ECHDC3: variants seen among roughly 807,000 people sequenced by gnomAD.
ECHDC3 encodes the protein enoyl-CoA hydratase domain-containing protein 3, mitochondrial.
Under a neutral mutation model 17.9 loss-of-function variants are expected in ECHDC3, and 20 were observed. The ratio of observed to expected loss-of-function variants is 1.12; its 90% CI spans 0.79 to 1.63. The LOEUF is 1.63. Among genes scored for constraint, ECHDC3 ranks in the 40% most tolerant of loss-of-function variants. The pLI, the probability that ECHDC3 is intolerant of heterozygous loss-of-function variation, is 0.00. For missense variants in ECHDC3, 407 were observed against 357.7 expected (o/e 1.14, Z -1.11); for synonymous variants, 177 against 149.7 (o/e 1.18, Z -1.33).
rs1251576617 is a variant in ECHDC3 at position 11,763,556 on chromosome 10, G to C, written c.*12G>C. 4.0e-6 allele frequency: 6 copies of C among 1,494,774 alleles called. No individual in the cohort carries two copies. The highest frequency in any genetic ancestry group is 5.4e-6 in the Non-Finnish European group (6 of 1,120,630). The allele number at this position is 1,494,774 out of a possible 1,614,324, so 92.6% of individuals were successfully genotyped here. On this transcript the variant is annotated 3_prime_UTR_variant, in exon 5 of 5. Coordinates refer to ENST00000379215, the MANE Select transcript of ECHDC3 (RefSeq NM_024693.5). The surrounding 1 kb of genome is among the most constrained non-coding windows in gnomAD (Gnocchi z 4.9). ...ACGAGCCAGTGTGAGTGGAGGCAGA[G>C]GAGTGAGGCCCACGGGCAGCGCCCA...
intron 4 of ECHDC3, chr10:11,755,866 C>T (rs2013272): frequency 0.97 from 431,415 of 444,106 alleles, 210,737 homozygotes; most frequent in East Asian, 1. Context: ...TCATGCGTAC[C>T]CTCAGTACCA....
rs1264955405 is a variant in ECHDC3 at position 11,748,058 on chromosome 10, T to C, written c.292+588T>C. 2.0e-5 allele frequency among the ~76,000 whole-genome samples: 3 copies of C among 152,178 alleles called. No homozygotes were observed. In the East Asian group the frequency reaches 5.8e-4, roughly 29 times the overall value. On this transcript the variant is annotated intron_variant, in intron 2 of 4. Transcript: ENST00000379215. ...TGTGATGCTATGTTTGTTTGGCAAA[T>C]CAAGCATCAGTGTTTCTGGAGGCAG...
At chr10:11,758,482 G>C (rs1381975770) in intron 4 of ECHDC3, among the ~76,000 whole-genome samples, 2 of 152,210 alleles carry the variant, frequency 1.3e-5, no homozygotes, top group Non-Finnish European at 1.5e-5. Context: ...TTCCAAGCTG[G>C]AAAGATGGTT....
chr10:11,742,743 T>C lies in ECHDC3; in HGVS notation c.167T>C (p.Ile56Thr). The C allele has an allele frequency of 8.1e-7, 1 of 1,232,602 alleles. No homozygotes were observed. The highest frequency in any genetic ancestry group is 1.0e-6 in the Non-Finnish European group (1 of 988,138). 76.4% of individuals were successfully genotyped at this position (1,232,602 alleles called of 1,614,324 possible). Residue 56 changes from isoleucine (I) to threonine (T), a missense_variant, in exon 1 of 5, where the codon ATA becomes ACA. Transcript: ENST00000379215. ...ACCAGCGCGCGGCAGCTGGACGGCA[T>C]AAGGTCAGCCCCGGGCCGCGCGGGC... ...RPTSARQLDG[I>T]RNIVLSNPKK...
intron 3 of ECHDC3, among the ~76,000 whole-genome samples, chr10:11,754,788 A>G (rs960690139): frequency 6.6e-6 from 1 of 152,122 alleles, no homozygotes; most frequent in African/African-American, 2.4e-5. Flanking sequence ...GTCTGTCACT[A>G]CTCAAGAGCT....
intron 4 of ECHDC3, among the ~76,000 whole-genome samples, chr10:11,760,980 C>T (rs1832943673): frequency 6.6e-6 from 1 of 152,242 alleles, no homozygotes; most frequent in South Asian, 2.1e-4. Flanking sequence ...AACGTAAAAT[C>T]GGTACAGTTC....
rs143082219 is a variant in ECHDC3, at chr10:11,751,843, C to T, written c.390+2251C>T. Among the ~76,000 whole-genome samples, 810 of 152,306 alleles carry T rather than the reference C, an allele frequency of 5.3e-3. 1 individual carries two copies. Among genetic ancestry groups the T allele is most frequent in the Non-Finnish European group, 9.2e-3 (629 of 68,024 alleles). ...AGGAGAAGATTCTGCACTTTGCTCT[C>T]ATACCCCGTCAATCAAATGACAATG... is the stretch of plus-strand genomic sequence containing the variant. On this transcript the variant is annotated intron_variant, in intron 3 of 4. Coordinates refer to ENST00000379215, the MANE Select transcript of ECHDC3 (RefSeq NM_024693.5).
At chr10:11,759,219 T>C (rs1832917615) in intron 4 of ECHDC3, among the ~76,000 whole-genome samples, 1 of 152,020 alleles carries the variant, frequency 6.6e-6, no homozygotes, top group Non-Finnish European at 1.5e-5. Context: ...CTGAGTATGG[T>C]GGCGCATGCC....
Position 11,749,711 on chromosome 10 carries a change from C to G in ECHDC3, c.390+119C>G, listed in dbSNP as rs187672109. The G allele has an allele frequency of 9.3e-5, 70 of 749,190 alleles. No individual in the cohort carries two copies. In the Admixed American group the frequency reaches 1.9e-3, roughly 20 times the overall value. The allele number at this position is 749,190 out of a possible 1,614,324, so 46.4% of individuals were successfully genotyped here. On this transcript the variant is annotated intron_variant, in intron 3 of 4. Transcript: ENST00000379215. ...CATGAGACCCAAACACCCAGAGCAA[C>G]TGGAAACTGTTTGGTCATCAGATCC...
Position 11,749,686 on chromosome 10 carries a change from C to T in ECHDC3, c.390+94C>T, listed in dbSNP as rs1832802283. On this transcript the variant is annotated intron_variant, in intron 3 of 4. Coordinates refer to ENST00000379215, the MANE Select transcript of ECHDC3 (RefSeq NM_024693.5). The stretch of plus-strand genomic sequence containing the variant: ...TCGACCTTACAGATAAGATTTTATC[C>T]ATGAGACCCAAACACCCAGAGCAAC... 4.2e-6 allele frequency: 5 copies of T among 1,180,606 alleles called. No individual in the cohort carries two copies. In the African/African-American group the frequency reaches 4.6e-5, roughly 11 times the overall value. 73.1% of individuals were successfully genotyped at this position (1,180,606 alleles called of 1,614,324 possible). A position where few individuals can be genotyped will look rare whatever the true frequency, so the allele number is the denominator to read the frequency against.
rs1216243485 is a variant in ECHDC3, at chr10:11,763,962, C to T, written c.*418C>T. ...GGAGAGGCGACACATTTCAAATCTC[C>T]ACGAGATATTCTCCACACAGAAAAT... On this transcript the variant is annotated 3_prime_UTR_variant, in exon 5 of 5. Coordinates refer to ENST00000379215, the MANE Select transcript of ECHDC3 (RefSeq NM_024693.5). The surrounding 1 kb of genome is among the most constrained non-coding windows in gnomAD (Gnocchi z 4.9). 3 of 993,418 alleles carry T rather than the reference C, an allele frequency of 3.0e-6. No individual in the cohort carries two copies. The highest frequency in any genetic ancestry group is 3.6e-6 in the Non-Finnish European group (3 of 835,550). The allele number at this position is 993,418 out of a possible 1,614,324, so 61.5% of individuals were successfully genotyped here.
intron 2 of ECHDC3, 44 bp from the exon 3 acceptor site, chr10:11,749,451 T>G: frequency 1.2e-6 from 2 of 1,604,864 alleles, no homozygotes; most frequent in Non-Finnish European, 1.7e-6. Flanking sequence ...ACTCTGGGTG[T>G]TTACATCTTT....
intron 4 of ECHDC3, among the ~76,000 whole-genome samples, chr10:11,759,314 A>G (rs1832918405): frequency 6.7e-6 from 1 of 148,574 alleles, no homozygotes; most frequent in Admixed American, 6.8e-5. Context: ...AGGTCGTGCC[A>G]TTGCTCTCCA....
chr10:11,743,542 T>C (rs1263563431), intron 1 of ECHDC3, among the ~76,000 whole-genome samples: 1 of 152,206 alleles, frequency 6.6e-6, no homozygotes, highest in African/African-American at 2.4e-5. Context: ...TTTCTGCTGC[T>C]CTGCAAGGGG....
chr10:11,746,340 A>G (rs893851449), intron 1 of ECHDC3, among the ~76,000 whole-genome samples: 1 of 146,820 alleles, frequency 6.8e-6, no homozygotes, highest in African/African-American at 2.5e-5. Context: ...AAAAAAAAAA[A>G]AAAAAAAAAA....
At chr10:11,752,473 C>T (rs1477594228) in intron 3 of ECHDC3, among the ~76,000 whole-genome samples, 1 of 151,724 alleles carries the variant, frequency 6.6e-6, no homozygotes, top group Non-Finnish European at 1.5e-5. Flanking sequence ...TTTTGAAAGT[C>T]TAGAACAGTA....
At position 11,763,690 on chromosome 10, in the gene ECHDC3, A is replaced by C; in HGVS notation, c.*146A>C. 7.0e-7 allele frequency: 1 copy of C among 1,425,470 alleles called. No homozygotes were observed. The highest frequency in any genetic ancestry group is 9.1e-7 in the Non-Finnish European group (1 of 1,093,882). The allele number at this position is 1,425,470 out of a possible 1,614,324, so 88.3% of individuals were successfully genotyped here. A position where few individuals can be genotyped will look rare whatever the true frequency, so the allele number is the denominator to read the frequency against. On this transcript the variant is annotated 3_prime_UTR_variant, in exon 5 of 5. Transcript: ENST00000379215. The surrounding 1 kb of genome is among the most constrained non-coding windows in gnomAD (Gnocchi z 4.9). ...TGTCATAGCATTTGGCCTACATTAA[A>C]AGCCACAATTTCATGGGGAAAGGAC...
intron 3 of ECHDC3, among the ~76,000 whole-genome samples, chr10:11,754,764 G>A (rs1036087327): frequency 5.3e-5 from 8 of 152,192 alleles, no homozygotes; most frequent in African/African-American, 1.9e-4. Context: ...CATTTGCCAG[G>A]AAGGCAGGCG....
intron 4 of ECHDC3, among the ~76,000 whole-genome samples, chr10:11,762,779 C>A (rs1832969308): frequency 6.6e-6 from 1 of 152,158 alleles, no homozygotes; most frequent in African/African-American, 2.4e-5. Flanking sequence ...TCTGCTCTTT[C>A]CAGTCAGGCC....
Sources: gnomAD v4.1 joint callset for allele counts (sites outside exome capture counted in the v4.1 genomes callset) on GRCh38, gnomAD v4.1.1 for gene constraint, Gnocchi (gnomAD v3.1) non-coding constraint, MANE v1.5 for transcripts, NCBI Gene and HGNC (gene_info 2026-07-23, HGNC 2026-07-21) for gene names.